The following TARS2 variants were observed in gnomAD, a reference collection of about 807,000 sequenced individuals.
The protein encoded by TARS2 is threonine--tRNA ligase, mitochondrial.
A neutral mutation model predicts 94.4 loss-of-function variants in TARS2; 61 were observed. The observed-to-expected ratio is 0.65, with a 90% CI of 0.53 to 0.80. TARS2 has a LOEUF of 0.80. TARS2 is among the 30% of genes least tolerant of loss of function. The probability of loss-of-function intolerance (pLI) is 0.00; values close to 1 mark genes in which losing one functional copy is unlikely to be tolerated. For synonymous variants in TARS2, 359 were observed against 353.4 expected (o/e 1.02, Z -0.18); for missense variants, 704 against 902.5 (o/e 0.78, Z 2.82).
intron 13 of TARS2, among the ~76,000 whole-genome samples, chr1:150,501,599 G>A (rs1035837179): frequency 6.6e-6 from 1 of 151,086 alleles, no homozygotes; most frequent in African/African-American, 2.4e-5. Flanking sequence ...GCCTACCAAA[G>A]TGCTGGGATT....
intron 7 of TARS2, among the ~76,000 whole-genome samples, chr1:150,494,671 G>A (rs990222547): frequency 1.3e-5 from 2 of 151,652 alleles, no homozygotes; most frequent in African/African-American, 4.8e-5. Context: ...CTGGGAGGCA[G>A]AGGTTGCAGT....
At chr1:150,487,764 G>T in intron 1 of TARS2, 94 bp from the exon 2 acceptor site, 1 of 1,499,382 alleles carries the variant, frequency 6.7e-7, no homozygotes, top group Non-Finnish European at 9.0e-7. Context: ...GAATTCGGAC[G>T]AAGTCCACTT....
At chr1:150,497,788 T>A (rs971315844) in intron 10 of TARS2, 41 bp downstream of exon 10, 3 of 1,583,362 alleles carry the variant, frequency 1.9e-6, no homozygotes, top group African/African-American at 2.7e-5. Flanking sequence ...TGCTAAATAT[T>A]AAATAATAGA....
At position 150,497,501 on chromosome 1, in the gene TARS2, A is replaced by G. The variant is rs1311217382; in HGVS notation, c.1021-29A>G. On this transcript the variant is annotated intron_variant, in intron 9 of 17. Transcript: ENST00000369064. ...ACCTGCTTTCCTTCCAGTTACTCTG[A>G]CCTTCCATGTCTGTACCCTCCTCTC... 6.8e-6 allele frequency: 11 copies of G among 1,607,098 alleles called. No homozygotes were observed. In the African/African-American group the frequency reaches 1.1e-4, roughly 16 times the overall value.
chr1:150,496,824 C>T lies in TARS2; in HGVS notation c.936C>T (p.Phe312=). ...CCTGACCCCAGGAACAGGAGCTCTTCTTCTTCCATGAACTGAGCCCTGGGA... is the reference window on the plus strand; with the variant it reads ...CCTGACCCCAGGAACAGGAGCTCTTTTTCTTCCATGAACTGAGCCCTGGGA... ...HRRIGKEQEL[F]FFHELSPGSC... Residue 312 remains phenylalanine, a synonymous_variant, in exon 9 of 18, where the codon TTC becomes TTT. Coordinates refer to ENST00000369064, the MANE Select transcript of TARS2 (RefSeq NM_025150.5). The T allele has an allele frequency of 6.2e-7, 1 of 1,614,024 alleles. No individual in the cohort carries two copies. The highest frequency in any genetic ancestry group is 8.5e-7 in the Non-Finnish European group (1 of 1,180,028).
chr1:150,494,135 G>A (rs1473192429), intron 7 of TARS2, among the ~76,000 whole-genome samples: 1 of 152,108 alleles, frequency 6.6e-6, no homozygotes. Flanking sequence ...GGGAGGGTGA[G>A]GCAGGCGGAT....
rs763449246 is a variant in TARS2, at chr1:150,499,039, G to A, written c.1539+5G>A. 7 of 1,614,032 alleles carry A rather than the reference G, an allele frequency of 4.3e-6. No homozygotes were observed. The highest frequency in any genetic ancestry group is 5.9e-6 in the Non-Finnish European group (7 of 1,180,010). ...CTTTGGGACCAGGCCGAACAGGTGA[G>A]TAGGAGGTAGAGAAATAGAGGCAGA... is the stretch of plus-strand genomic sequence containing the variant. On this transcript the variant is annotated splice_donor_5th_base_variant and intron_variant, in intron 12 of 17. Transcript: ENST00000369064.
chr1:150,507,191 C>A lies in TARS2; in HGVS notation c.*127C>A. 1 of 1,308,334 alleles carries A rather than the reference C, an allele frequency of 7.6e-7. No individual in the cohort carries two copies. The highest frequency in any genetic ancestry group is 1.0e-6 in the Non-Finnish European group (1 of 970,216). The allele number at this position is 1,308,334 out of a possible 1,614,324, so 81.0% of individuals were successfully genotyped here. A position where few individuals can be genotyped will look rare whatever the true frequency, so the allele number is the denominator to read the frequency against. On this transcript the variant is annotated 3_prime_UTR_variant, in exon 18 of 18. Transcript: ENST00000369064. ...AACTGTGTGGAGGCACATGTCTGCT[C>A]TCCTGAAAAGAGACTTGGTTTGGGG...
In TARS2 at chr1:150,492,451, C is replaced by T. The variant is rs763015481; in HGVS notation, c.736C>T (p.Arg246Trp). ...LVDLCQGPHLRHTGQIGGLKL... is the reference protein window; with the variant it reads ...LVDLCQGPHLWHTGQIGGLKL... ...TGACCTTTGCCAGGGCCCCCACCTTCGGCATACTGGACAGATTGGAGGACT... is the reference window on the plus strand; with the variant it reads ...TGACCTTTGCCAGGGCCCCCACCTTTGGCATACTGGACAGATTGGAGGACT... Residue 246 changes from arginine to tryptophan, a missense_variant, in exon 7 of 18, where the codon CGG becomes TGG. Physicochemically the swap from Arg to Trp is moderately radical, Grantham distance 101 (BLOSUM62 -3). Around this residue, in one of 3 missense-constraint regions of TARS2, gnomAD observed 466 missense variants for 609.5 expected, o/e 0.76. Coordinates refer to ENST00000369064, the MANE Select transcript of TARS2 (RefSeq NM_025150.5). 3.7e-6 allele frequency: 6 copies of T among 1,613,824 alleles called. No homozygotes were observed. The highest frequency in any genetic ancestry group is 2.2e-5 in the South Asian group (2 of 91,082).
intron 13 of TARS2, among the ~76,000 whole-genome samples, chr1:150,501,502 C>CT (rs200789049): frequency 0.041 from 5,405 of 130,718 alleles, 140 homozygotes; most frequent in African/African-American, 0.076. Flanking sequence ...TAATTTTTTT[C>CT]TTTTTTTTTT....
At chr1:150,503,625 G>A (rs1407283144) in intron 13 of TARS2, among the ~76,000 whole-genome samples, 2,533 of 118,580 alleles carry the variant, frequency 0.021, 122 homozygotes, top group African/African-American at 0.075. Context: ...ATATGTGTGT[G>A]TATATATGTG....
chr1:150,496,219 G>A (rs1225933630), intron 7 of TARS2, among the ~76,000 whole-genome samples: 1 of 152,148 alleles, frequency 6.6e-6, no homozygotes, highest in Non-Finnish European at 1.5e-5. Context: ...CTAAGTAAAG[G>A]GGTAATGAGA....
rs1295457551 is a variant in TARS2, at chr1:150,492,507, G to A, written c.774+18G>A. 3.7e-6 allele frequency: 6 copies of A among 1,612,242 alleles called. No homozygotes were observed. Among genetic ancestry groups the A allele is most frequent in the Non-Finnish European group, 5.1e-6 (6 of 1,179,248 alleles). On this transcript the variant is annotated intron_variant, in intron 7 of 17. Coordinates refer to ENST00000369064, the MANE Select transcript of TARS2 (RefSeq NM_025150.5). The stretch of plus-strand genomic sequence containing the variant: ...TGCTATCGGTCAGTTGTGGGACAGA[G>A]TTAGGTTAAGATTCCTATTTTGAGC...
rs771145755 is a variant in TARS2 at position 150,497,546 on chromosome 1, G to A, written c.1037G>A (p.Arg346His). 1.9e-5 allele frequency: 30 copies of A among 1,613,900 alleles called. No individual in the cohort carries two copies. In the South Asian group the frequency reaches 2.6e-4, roughly 14 times the overall value. The stretch of plus-strand genomic sequence containing the variant: ...CCTCTCCAGGCTGAGTATGCCCATC[G>A]TGGTTTCTCCGAGGTGAAAACTCCC... ...VAFIRAEYAHRGFSEVKTPTL... is the reference protein window; with the variant it reads ...VAFIRAEYAHHGFSEVKTPTL... The change falls in exon 10 of 18, where the codon CGT (arginine) becomes CAT (histidine). Residue 346 changes from arginine (R) to histidine (H), a missense_variant. Around this residue, in one of 3 missense-constraint regions of TARS2, gnomAD observed 466 missense variants for 609.5 expected, o/e 0.76. Coordinates refer to ENST00000369064, the MANE Select transcript of TARS2 (RefSeq NM_025150.5).
intron 13 of TARS2, 100 bp from the exon 14 acceptor site, chr1:150,504,235 T>G: frequency 6.4e-6 from 7 of 1,096,532 alleles, no homozygotes; most frequent in Non-Finnish European, 9.5e-6. Flanking sequence ...TAGCCCGGGA[T>G]GAGGGTAGGT....
chr1:150,507,253 G>A lies in TARS2; in HGVS notation c.*189G>A. ...GGAGGGAAGCTGTAGCTGTTTGGATGTGAGGAGAATGAAACTACAAAAAAA... is the reference window on the plus strand; with the variant it reads ...GGAGGGAAGCTGTAGCTGTTTGGATATGAGGAGAATGAAACTACAAAAAAA... On this transcript the variant is annotated 3_prime_UTR_variant, in exon 18 of 18. Transcript: ENST00000369064. 2.8e-6 allele frequency: 2 copies of A among 720,140 alleles called. No homozygotes were observed. The highest frequency in any genetic ancestry group is 2.2e-6 in the Non-Finnish European group (1 of 458,978). 44.6% of individuals were successfully genotyped at this position (720,140 alleles called of 1,614,324 possible). A position where few individuals can be genotyped will look rare whatever the true frequency, so the allele number is the denominator to read the frequency against.
At position 150,498,833 on chromosome 1, in the gene TARS2, A is replaced by G. The variant is rs1463032146; in HGVS notation, c.1402-64A>G. 8.1e-6 allele frequency: 13 copies of G among 1,610,828 alleles called. No homozygotes were observed. The East Asian group carries it at 1.1e-4, about 14-fold the overall frequency. ...CTGTTTTTGCCCTTTGTTTTCCTCA[A>G]ACTGCCAGCATCCCTGATCTCTAGC... On this transcript the variant is annotated intron_variant, in intron 11 of 17. Transcript: ENST00000369064.
At chr1:150,499,131 G>GT (rs1307976031) in intron 12 of TARS2, 85 bp from the exon 13 acceptor site, 1 of 1,609,594 alleles carries the variant, frequency 6.2e-7, no homozygotes, top group African/African-American at 1.3e-5. Context: ...CATCTGGTGA[G>GT]TGGGTCATTT....
chr1:150,490,839 AG>A (rs1669350600), intron 4 of TARS2, 114 bp downstream of exon 4: 1 of 1,454,912 alleles, frequency 6.9e-7, no homozygotes, highest in Non-Finnish European at 9.4e-7. Flanking sequence ...GGGTTTCTCT[AG>A]GTCTCAACTA....
Sources: gnomAD v4.1 joint callset for allele counts (sites outside exome capture counted in the v4.1 genomes callset) on GRCh38, gnomAD v4.1.1 for gene constraint, gnomAD v4.1.1 regional missense constraint, MANE v1.5 for transcripts, NCBI Gene and HGNC (gene_info 2026-07-23, HGNC 2026-07-21) for gene names.